The following NAALADL2 variants were observed in gnomAD, a reference collection of about 807,000 sequenced individuals.
NAALADL2 encodes inactive N-acetylated-alpha-linked acidic dipeptidase-like protein 2.
NAALADL2 carries 76 observed loss-of-function variants against 87.2 expected under a neutral mutation model. The ratio of observed to expected loss-of-function variants is 0.87; its 90% CI spans 0.72 to 1.05. The LOEUF (loss-of-function observed/expected upper bound fraction) is 1.05. Ranked by LOEUF, NAALADL2 falls within the 50% of genes least tolerant of loss-of-function variation. The pLI, the probability that NAALADL2 is intolerant of heterozygous loss-of-function variation, is 0.00. For missense variants in NAALADL2, 1,089 were observed against 945.8 expected (o/e 1.15, Z -1.99); for synonymous variants, 354 against 331.0 (o/e 1.07, Z -0.75).
chr3:174,579,978 A>T (rs1334040179), intron 2 of NAALADL2, among the ~76,000 whole-genome samples: 1 of 152,088 alleles, frequency 6.6e-6, no homozygotes, highest in African/African-American at 2.4e-5. Context: ...GAGGGAAAAA[A>T]AATAAGAAAT....
chr3:175,112,750 C>T (rs1310679348), intron 2 of NAALADL2: 1 of 151,510 alleles, frequency 6.6e-6, no homozygotes, highest in African/African-American at 2.4e-5. Context: ...TGGATAGATC[C>T]TTTAGGAACA....
intron 1 of NAALADL2, among the ~76,000 whole-genome samples, chr3:174,490,784 A>T (rs1718139719): frequency 6.6e-6 from 1 of 151,980 alleles, no homozygotes; most frequent in African/African-American, 2.4e-5. Flanking sequence ...TGGGTATTTT[A>T]TTGGGTGAAG....
chr3:174,513,791 C>T (rs1719755484), intron 1 of NAALADL2, among the ~76,000 whole-genome samples: 1 of 152,154 alleles, frequency 6.6e-6, no homozygotes, highest in South Asian at 2.1e-4. Flanking sequence ...AGGGACAGCA[C>T]TTCATTGTAG....
chr3:175,591,784 G>GTATATATA (rs57196350), intron 10 of NAALADL2, among the ~76,000 whole-genome samples: 11 of 137,072 alleles, frequency 8.0e-5, no homozygotes, highest in East Asian at 4.0e-4. Context: ...GTGTGTGTGT[G>GTATATATA]TATATATATA....
chr3:174,936,866 A>G (rs532959684), intron 1 of NAALADL2, among the ~76,000 whole-genome samples: 2 of 152,246 alleles, frequency 1.3e-5, no homozygotes, highest in African/African-American at 4.8e-5. Context: ...AGAGGGACAT[A>G]AGGAAACTTG....
chr3:175,705,258 T>A (rs1373815298), intron 11 of NAALADL2, among the ~76,000 whole-genome samples: 3 of 152,006 alleles, frequency 2.0e-5, no homozygotes, highest in Non-Finnish European at 2.9e-5. Context: ...AAAAACGACA[T>A]AGGAAATAAA....
intron 5 of NAALADL2, among the ~76,000 whole-genome samples, chr3:175,347,802 G>A (rs1169760476): frequency 6.6e-6 from 1 of 152,050 alleles, no homozygotes; most frequent in Non-Finnish European, 1.5e-5. Context: ...TTGTTACACA[G>A]GTATACACGT....
At chr3:174,821,002 T>G (rs2109331373) in intron 3 of NAALADL2, among the ~76,000 whole-genome samples, 1 of 152,306 alleles carries the variant, frequency 6.6e-6, no homozygotes, top group Admixed American at 6.5e-5. Context: ...AGGTTTTTTG[T>G]TTTCCCTTCC....
At chr3:174,908,393 G>A (rs1466840670) in intron 1 of NAALADL2, among the ~76,000 whole-genome samples, 3 of 152,010 alleles carry the variant, frequency 2.0e-5, no homozygotes, top group Non-Finnish European at 2.9e-5. Flanking sequence ...GTTCAGACTG[G>A]CCAGTATCTT....
intron 3 of NAALADL2, among the ~76,000 whole-genome samples, chr3:174,752,424 T>G (rs1938077844): frequency 6.6e-6 from 1 of 152,194 alleles, no homozygotes; most frequent in Admixed American, 6.5e-5. Context: ...TAAAGCACAT[T>G]TTCTTAGAAA....
At chr3:174,496,103 G>A (rs1718517957) in intron 1 of NAALADL2, among the ~76,000 whole-genome samples, 1 of 152,134 alleles carries the variant, frequency 6.6e-6, no homozygotes, top group Admixed American at 6.6e-5. Flanking sequence ...CTCTTCCAGG[G>A]TGGCTAGTGA....
intron 2 of NAALADL2, among the ~76,000 whole-genome samples, chr3:175,167,921 AATTGTGATGGC>A (rs1734225072): frequency 6.6e-6 from 1 of 151,950 alleles, no homozygotes; most frequent in Non-Finnish European, 1.5e-5. Flanking sequence ...TTGAACTGTA[AATTGTGATGGC>A]ATTATAATAA....
intron 11 of NAALADL2, among the ~76,000 whole-genome samples, chr3:175,666,328 G>T (rs6781209): frequency 1.3e-4 from 20 of 152,174 alleles, no homozygotes; most frequent in African/African-American, 4.1e-4. Flanking sequence ...GGTTCCTAGA[G>T]TCATCAATCA....
chr3:175,415,770 T>A (rs1714510873), intron 5 of NAALADL2, among the ~76,000 whole-genome samples: 1 of 151,804 alleles, frequency 6.6e-6, no homozygotes, highest in Admixed American at 6.6e-5. Context: ...TCTAGCAGGC[T>A]AGATATTAGG....
chr3:174,994,476 TA>T lies in NAALADL2; in HGVS notation c.44-102313del, dbSNP rs138598426. On this transcript the variant is annotated intron_variant, in intron 1 of 13. Transcript: ENST00000454872. ...CTTATTTTTAGTCAGCAGTAATGAT[TA>T]TTTTTTTGAATAATTACCTCATACA... Among the ~76,000 whole-genome samples, 985 of 152,320 alleles carry T rather than the reference TA, an allele frequency of 6.5e-3. 3 individuals are homozygous for T. Among genetic ancestry groups the T allele is most frequent in the African/African-American group, 0.02 (846 of 41,576 alleles).
Position 174,934,058 on chromosome 3 carries a change from C to G in NAALADL2, c.43+74608C>G, listed in dbSNP as rs1260160277. On this transcript the variant is annotated intron_variant, in intron 1 of 13. Transcript: ENST00000454872. ...TTCAGACATTTTATTTAAATAATAT[C>G]TGTAAATGACTTGCTGTGTCCAACA... Among the ~76,000 whole-genome samples, 15 of 152,028 alleles carry G rather than the reference C, an allele frequency of 9.9e-5. 1 individual carries two copies. The highest frequency in any genetic ancestry group is 9.8e-4 in the Admixed American group (15 of 15,236).
chr3:175,088,911 G>T (rs9856630), intron 1 of NAALADL2, among the ~76,000 whole-genome samples: 28,100 of 152,104 alleles, frequency 0.18, 2,686 homozygotes, highest in East Asian at 0.33. Flanking sequence ...GAGTGGACAG[G>T]ATGAGCCAAA....
intron 4 of NAALADL2, among the ~76,000 whole-genome samples, chr3:175,292,620 A>G (rs867708556): frequency 6.6e-6 from 1 of 151,250 alleles, no homozygotes; most frequent in African/African-American, 2.4e-5. Context: ...ACACACACAC[A>G]CACCTGAGGG....
At chr3:175,366,207 C>T (rs947983715) in intron 5 of NAALADL2, among the ~76,000 whole-genome samples, 17 of 147,710 alleles carry the variant, frequency 1.2e-4, no homozygotes, top group African/African-American at 4.2e-4. Flanking sequence ...TTTATGGCTG[C>T]ATAGTATTCC....
Sources: gnomAD v4.1 joint callset for allele counts (sites outside exome capture counted in the v4.1 genomes callset) on GRCh38, gnomAD v4.1.1 for gene constraint, MANE v1.5 for transcripts, NCBI Gene and HGNC (gene_info 2026-07-23, HGNC 2026-07-21) for gene names.